Variants in SVEP1 observed in about 807,000 individuals in gnomAD.
SVEP1 encodes sushi, von Willebrand factor type A, EGF and pentraxin domain containing 1.
Under a neutral mutation model 367.3 loss-of-function variants are expected in SVEP1, and 164 were observed. That is an observed-to-expected ratio of 0.45 (90% CI 0.39 to 0.51). SVEP1 has a LOEUF of 0.51. Ranked by LOEUF, SVEP1 falls within the 20% of genes least tolerant of loss-of-function variation. The probability of loss-of-function intolerance (pLI) is 0.00; values close to 1 mark genes in which losing one functional copy is unlikely to be tolerated. For missense variants in SVEP1, 4,117 were observed against 4,425.3 expected, an observed-to-expected ratio of 0.93 and a Z score of 1.98; for synonymous variants, 1,666 against 1,611.6, an observed-to-expected ratio of 1.03 and a Z score of -0.81.
chr9:110,511,488 C>CTTTTTTTTTTTTTTTTTTTTTTTTTT (rs199993986), intron 5 of SVEP1, among the ~76,000 whole-genome samples: 5 of 77,554 alleles, frequency 6.4e-5, no homozygotes, highest in African/African-American at 1.3e-4. Context: ...GTGTCAGTAC[C>CTTTTTTTTTTTTTTTTTTTTTTTTTT]TTTTTTTTTT....
intron 1 of SVEP1, among the ~76,000 whole-genome samples, chr9:110,561,302 G>T (rs998074065): frequency 6.6e-6 from 1 of 151,992 alleles, no homozygotes; most frequent in Non-Finnish European, 1.5e-5. Flanking sequence ...AAATTCTTCT[G>T]CTATGCATAA....
chr9:110,528,154 GTGTATATATATA>G (rs1829967641), intron 3 of SVEP1, among the ~76,000 whole-genome samples: 2 of 25,704 alleles, frequency 7.8e-5, no homozygotes, highest in South Asian at 7.4e-4. Flanking sequence ...GTGTGTGTGT[GTGTATATATATA>G]TATATATATA....
At position 110,465,071 on chromosome 9, in the gene SVEP1, G is replaced by T. The variant is rs190851523; in HGVS notation, c.3322+794C>A. ...CTTTTTTTTTCTATTTAAACCAGTG[G>T]TTCTCAATGTGTGGTCCCTGGACCA... On this transcript the variant is annotated intron_variant, in intron 18 of 47. Coordinates refer to ENST00000374469, the MANE Select transcript of SVEP1 (RefSeq NM_153366.4). Among the ~76,000 whole-genome samples the T allele has an allele frequency of 1.9e-3, 293 of 151,938 alleles. 2 individuals carry two copies. The highest frequency in any genetic ancestry group is 6.8e-3 in the Middle Eastern group (2 of 292).
chr9:110,399,026 C>G (rs1827814879), intron 40 of SVEP1, among the ~76,000 whole-genome samples: 1 of 152,150 alleles, frequency 6.6e-6, no homozygotes, highest in South Asian at 2.1e-4. Context: ...AATCATGCTG[C>G]TATAAAGACA....
chr9:110,458,611 G>T, intron 19 of SVEP1, 49 bp from the exon 20 acceptor site: 1 of 1,521,454 alleles, frequency 6.6e-7, no homozygotes, highest in Non-Finnish European at 9.0e-7. Context: ...ATGCCAGTAA[G>T]TGGACTATAT....
chr9:110,523,602 T>C lies in SVEP1; in HGVS notation c.965-9496A>G, dbSNP rs190694773. ...CCAGCTACAGGCTGTCTACAAGAAA[T>C]CACTTAAACATAATATAGGCAAGTT... On this transcript the variant is annotated intron_variant, in intron 3 of 47. Coordinates refer to ENST00000374469, the MANE Select transcript of SVEP1 (RefSeq NM_153366.4). Among the ~76,000 whole-genome samples, 684 of 152,136 alleles carry C rather than the reference T, an allele frequency of 4.5e-3. 1 individual carries two copies. Among genetic ancestry groups the C allele is most frequent in the African/African-American group, 0.016 (650 of 41,524 alleles).
At chr9:110,432,122 T>A (rs1315170089) in intron 31 of SVEP1, 88 bp from the exon 32 acceptor site, 8 of 1,347,048 alleles carry the variant, frequency 5.9e-6, no homozygotes, top group Non-Finnish European at 7.1e-6. Flanking sequence ...TCATTACATA[T>A]CACGTAATGC....
intron 26 of SVEP1, 147 bp downstream of exon 26, chr9:110,445,690 G>T: frequency 1.2e-6 from 1 of 810,622 alleles, no homozygotes; most frequent in Non-Finnish European, 2.0e-6. Context: ...TAAAGAACTT[G>T]TTCAGATGCT....
In SVEP1 at chr9:110,451,293, A is replaced by G. The variant is rs190415662; in HGVS notation, c.3897T>C (p.Phe1299=). The G allele has an allele frequency of 3.6e-4, 583 of 1,613,102 alleles. 3 individuals carry two copies. Among genetic ancestry groups the G allele is most frequent in the Middle Eastern group, 3.5e-3 (21 of 6,056 alleles). ...GGAAGACTGGAAACATCTTACCTACAAATCCTTTCACACATGTGCAACGAT... is the reference window on the plus strand; with the variant it reads ...GGAAGACTGGAAACATCTTACCTACGAATCCTTTCACACATGTGCAACGAT... ...AGYRCTCVKG[F]VGLHCETEVN... is the part of the protein sequence containing the mutation. Residue 1299 remains phenylalanine (F), a synonymous_variant, in exon 23 of 48, where the codon TTT becomes TTC. Coordinates refer to ENST00000374469, the MANE Select transcript of SVEP1 (RefSeq NM_153366.4).
rs549884850 is a variant in SVEP1, at chr9:110,457,284, A to G, written c.3645T>C (p.Tyr1215=). The part of the protein sequence containing the change: ...SGTCQQLGRG[Y]VCLCPLGYTG... The stretch of plus-strand genomic sequence containing the variant: ...TATATCCAAGTGGACAGAGACAAAC[A>G]TAACCACGCCCAAGTTGCTGGCAGG... Residue 1215 remains tyrosine (Y), a synonymous_variant, in exon 21 of 48, where the codon TAT becomes TAC. Transcript: ENST00000374469. 1.2e-6 allele frequency: 2 copies of G among 1,612,720 alleles called. No individual in the cohort carries two copies. The highest frequency in any genetic ancestry group is 1.1e-5 in the South Asian group (1 of 90,704).
chr9:110,375,465 TAAAAAAAAAAAAA>T lies in SVEP1; in HGVS notation c.10505-15_10505-3del, dbSNP rs71373993. ...TCAGACAGGGAAGAATGCAGATTGC[TAAAAAAAAAAAAA>T]AAAAAAAAAAAAGGAGGCAGGGGGG... On this transcript the variant is annotated splice_region_variant and splice_polypyrimidine_tract_variant and intron_variant, in intron 45 of 47. Coordinates refer to ENST00000374469, the MANE Select transcript of SVEP1 (RefSeq NM_153366.4). 23 of 557,878 alleles carry T rather than the reference TAAAAAAAAAAAAA, an allele frequency of 4.1e-5. No individual in the cohort carries two copies. Among genetic ancestry groups the T allele is most frequent in the African/African-American group, 5.4e-5 (2 of 37,090 alleles). 34.6% of individuals were successfully genotyped at this position (557,878 alleles called of 1,614,324 possible).
intron 1 of SVEP1, among the ~76,000 whole-genome samples, chr9:110,576,986 A>C (rs1482195941): frequency 2.0e-5 from 3 of 152,080 alleles, no homozygotes; most frequent in Non-Finnish European, 4.4e-5. Flanking sequence ...TGATTTGGGA[A>C]ATGAGAAGGC....
chr9:110,490,639 T>G (rs1829353693), intron 8 of SVEP1, among the ~76,000 whole-genome samples: 1 of 152,112 alleles, frequency 6.6e-6, no homozygotes, highest in Non-Finnish European at 1.5e-5. Context: ...ATGAACAGAA[T>G]TATTAAACCC....
At chr9:110,490,544 CT>C (rs888597046) in intron 8 of SVEP1, among the ~76,000 whole-genome samples, 3 of 151,828 alleles carry the variant, frequency 2.0e-5, no homozygotes, top group Non-Finnish European at 2.9e-5. Flanking sequence ...ATGAGATCTA[CT>C]TTTTTTTAGC....
intron 8 of SVEP1, among the ~76,000 whole-genome samples, chr9:110,494,012 C>T (rs1475469459): frequency 5.3e-5 from 8 of 152,168 alleles, no homozygotes; most frequent in Admixed American, 2.6e-4. Context: ...GTTATAGCAT[C>T]GCTCTGTAAC....
At chr9:110,485,348 C>A (rs1035194791) in intron 9 of SVEP1, among the ~76,000 whole-genome samples, 1 of 152,100 alleles carries the variant, frequency 6.6e-6, no homozygotes, top group African/African-American at 2.4e-5. Context: ...AACCAAACAC[C>A]GTATGTTCTC....
chr9:110,531,183 T>C (rs1431018516), intron 3 of SVEP1, among the ~76,000 whole-genome samples: 2 of 152,210 alleles, frequency 1.3e-5, no homozygotes, highest in Non-Finnish European at 2.9e-5. Context: ...ATTTATGATT[T>C]TGTCTTAAAT....
chr9:110,381,852 T>C (rs2118954749), intron 43 of SVEP1, among the ~76,000 whole-genome samples: 1 of 150,256 alleles, frequency 6.7e-6, no homozygotes, highest in South Asian at 2.1e-4. Flanking sequence ...AAGAACTTGA[T>C]TTATGAATTT....
chr9:110,556,812 T>C (rs558284480), intron 1 of SVEP1, among the ~76,000 whole-genome samples: 2 of 152,194 alleles, frequency 1.3e-5, no homozygotes, highest in East Asian at 3.9e-4. Flanking sequence ...TTAAAGAACT[T>C]GATCAATCTT....
Sources: allele counts gnomAD v4.1 joint callset (sites outside exome capture counted in the v4.1 genomes callset), GRCh38; gene constraint gnomAD v4.1.1; transcripts MANE v1.5; gene names NCBI Gene and HGNC (gene_info 2026-07-23, HGNC 2026-07-21).